Variants in TRIM33 observed in about 807,000 individuals in gnomAD.
The protein encoded by TRIM33 is tripartite motif containing 33, also known as E3 ubiquitin-protein ligase TRIM33.
TRIM33 carries 20 observed loss-of-function variants against 125.4 expected under a neutral mutation model. The ratio of observed to expected loss-of-function variants is 0.16; its 90% CI spans 0.11 to 0.23. The LOEUF (loss-of-function observed/expected upper bound fraction) is 0.23. TRIM33 is among the 10% of genes least tolerant of loss of function. The pLI is 1.00. For synonymous variants in TRIM33, 564 were observed against 513.9 expected (o/e 1.10, Z -1.32); for missense variants, 920 against 1,411.4 (o/e 0.65, Z 5.58).
At position 114,421,840 on chromosome 1, in the gene TRIM33, T is replaced by C. The variant is rs181531368; in HGVS notation, c.1861-204A>G. Among the ~76,000 whole-genome samples, 13 of 152,268 alleles carry C rather than the reference T, an allele frequency of 8.5e-5. No homozygotes were observed. In the East Asian group the frequency reaches 2.1e-3, roughly 25 times the overall value. On this transcript the variant is annotated intron_variant, in intron 10 of 19. Transcript: ENST00000358465. ...TATAGTATCTAGGGAAAGGCAGACT[T>C]GCCAATAATTTCCCAACACATCAGC...
At chr1:114,509,171 TG>T (rs1223476033) in intron 1 of TRIM33, among the ~76,000 whole-genome samples, 1 of 152,204 alleles carries the variant, frequency 6.6e-6, no homozygotes, top group Non-Finnish European at 1.5e-5. Flanking sequence ...TTTATCCTCT[TG>T]ATATGAAAGC....
chr1:114,462,500 G>T (rs545457122), intron 4 of TRIM33, among the ~76,000 whole-genome samples: 3 of 152,176 alleles, frequency 2.0e-5, no homozygotes, highest in Non-Finnish European at 2.9e-5. Flanking sequence ...GTAATAAACA[G>T]ATGCCATGGA....
chr1:114,469,079 A>AC (rs1182385569), intron 1 of TRIM33: 4 of 234,354 alleles, frequency 1.7e-5, no homozygotes, highest in Non-Finnish European at 3.3e-5. Context: ...ATCAAAGAAG[A>AC]TTCCAACAGA....
intron 2 of TRIM33, among the ~76,000 whole-genome samples, chr1:114,463,767 CTT>C (rs397977770): frequency 5.6e-5 from 7 of 126,012 alleles, no homozygotes; most frequent in African/African-American, 6.0e-5. Flanking sequence ...GCAGATTTGA[CTT>C]TTTTTTTTTT....
Position 114,510,611 on chromosome 1 carries a change from C to A in TRIM33, c.466G>T (p.Glu156Ter). 1 of 1,558,386 alleles carries A rather than the reference C, an allele frequency of 6.4e-7. No individual in the cohort carries two copies. Among genetic ancestry groups the A allele is most frequent in the Non-Finnish European group, 8.6e-7 (1 of 1,158,106 alleles). The stretch of plus-strand genomic sequence containing the variant: ...GGCACGCTGAGCTGGCGCTCCGGCT[C>A]GGGCAGGCAGCGCAGGCAGAAGGAG... ...LHSFCLRCLP[E>*]PERQLSVPIP... The change falls in exon 1 of 20, where the codon GAG (glutamate) becomes TAG (stop). Residue 156 changes from glutamate (E) to a stop codon, truncating the protein, a stop_gained. Transcript: ENST00000358465. LOFTEE classifies it high-confidence loss of function.
At position 114,511,059 on chromosome 1, in the gene TRIM33, G is replaced by A; in HGVS notation, c.18C>T (p.Gly6=). 3 of 1,297,744 alleles carry A rather than the reference G, an allele frequency of 2.3e-6. No individual in the cohort carries two copies. Among genetic ancestry groups the A allele is most frequent in the South Asian group, 3.8e-5 (2 of 52,184 alleles). 80.4% of individuals were successfully genotyped at this position (1,297,744 alleles called of 1,614,324 possible). MAENK[G]GGEAESGGGG... ...CGCCGCCGCTCTCAGCCTCGCCGCC[G>A]CCTTTGTTTTCCGCCATGTTTTCCT... The change falls in exon 1 of 20, where the codon GGC becomes GGT. Residue 6 remains glycine (G), a synonymous_variant. Coordinates refer to ENST00000358465, the MANE Select transcript of TRIM33 (RefSeq NM_015906.4).
At chr1:114,488,231 A>C (rs1432431876) in intron 1 of TRIM33, among the ~76,000 whole-genome samples, 2 of 152,210 alleles carry the variant, frequency 1.3e-5, no homozygotes, top group African/African-American at 2.4e-5. Context: ...CGGAATCTTA[A>C]AAAGAACTTT....
intron 10 of TRIM33, among the ~76,000 whole-genome samples, 196 bp from the exon 11 acceptor site, chr1:114,421,832 G>A (rs1647224873): frequency 6.6e-6 from 1 of 152,140 alleles, no homozygotes; most frequent in South Asian, 2.1e-4. Context: ...TCTAGGGAAA[G>A]GCAGACTTGC....
chr1:114,448,186 G>A (rs1187569378), intron 4 of TRIM33, among the ~76,000 whole-genome samples: 1 of 152,208 alleles, frequency 6.6e-6, no homozygotes, highest in Non-Finnish European at 1.5e-5. Flanking sequence ...AGAGGGGATG[G>A]AACTCAGTGT....
chr1:114,408,479 G>C (rs1652386039), intron 13 of TRIM33, among the ~76,000 whole-genome samples, 198 bp downstream of exon 13: 2 of 152,246 alleles, frequency 1.3e-5, no homozygotes, highest in South Asian at 2.1e-4. Flanking sequence ...CGAGTGAAAT[G>C]ACTGAGATTT....
chr1:114,438,139 T>C (rs1648420682), intron 4 of TRIM33, among the ~76,000 whole-genome samples: 2 of 152,180 alleles, frequency 1.3e-5, no homozygotes, highest in South Asian at 4.1e-4. Flanking sequence ...ATGTACATTA[T>C]GGTCTTACTA....
intron 1 of TRIM33, among the ~76,000 whole-genome samples, chr1:114,479,835 G>A (rs989642289): frequency 3.9e-5 from 6 of 151,998 alleles, no homozygotes; most frequent in Non-Finnish European, 8.8e-5. Flanking sequence ...GCCCCCGCCC[G>A]GCCAGCTGCC....
chr1:114,425,771 C>T (rs1647528302), intron 8 of TRIM33, 48 bp from the exon 9 acceptor site: 1 of 1,380,064 alleles, frequency 7.2e-7, no homozygotes, highest in Non-Finnish European at 1.0e-6. Context: ...ACTAAATCAT[C>T]TACTTTGTTG....
chr1:114,500,806 A>G (rs1037441365), intron 1 of TRIM33, among the ~76,000 whole-genome samples: 2 of 152,194 alleles, frequency 1.3e-5, no homozygotes. Flanking sequence ...GCTCTCTAAA[A>G]AGTGTATCAG....
At position 114,510,931 on chromosome 1, in the gene TRIM33, T is replaced by C; in HGVS notation, c.146A>G (p.Glu49Gly). ...GCCCTCAGCGCCGGCCCTGCCGCCT[T>C]CCTCCTCCTCCTCCTCCACCAGCAC... ...TAVLVEEEEE[E>G]GGRAGAEGGA... Residue 49 changes from glutamate (E) to glycine (G), a missense_variant, in exon 1 of 20, where the codon GAA (glutamate) becomes GGA (glycine). By Grantham distance (98) the Glu-to-Gly change is moderately conservative. Transcript: ENST00000358465. The C allele has an allele frequency of 7.3e-7, 1 of 1,376,056 alleles. No individual in the cohort carries two copies. Among genetic ancestry groups the C allele is most frequent in the Non-Finnish European group, 9.4e-7 (1 of 1,064,880 alleles). The allele number at this position is 1,376,056 out of a possible 1,614,324, so 85.2% of individuals were successfully genotyped here. A position where few individuals can be genotyped will look rare whatever the true frequency, so the allele number is the denominator to read the frequency against.
intron 13 of TRIM33, among the ~76,000 whole-genome samples, chr1:114,407,400 A>C (rs1479264654): frequency 6.6e-6 from 1 of 152,132 alleles, no homozygotes; most frequent in Non-Finnish European, 1.5e-5. Context: ...TCCACTGAAA[A>C]GGCCTAAGAA....
intron 1 of TRIM33, among the ~76,000 whole-genome samples, chr1:114,474,300 G>C (rs1354391570): frequency 6.6e-6 from 1 of 151,934 alleles, no homozygotes; most frequent in Non-Finnish European, 1.5e-5. Context: ...TCTTGGTGCG[G>C]TGGCTCACAC....
chr1:114,504,525 AAGG>A (rs1277278745), intron 1 of TRIM33, among the ~76,000 whole-genome samples: 1 of 152,196 alleles, frequency 6.6e-6, no homozygotes, highest in Admixed American at 6.5e-5. Flanking sequence ...CGCAGTGAAT[AAGG>A]AGAATATCAA....
At chr1:114,507,578 G>C (rs1027372402) in intron 1 of TRIM33, among the ~76,000 whole-genome samples, 4 of 152,108 alleles carry the variant, frequency 2.6e-5, no homozygotes, top group Non-Finnish European at 5.9e-5. Context: ...CAGTTACAAA[G>C]CATTTTCACA....
Sources: allele counts gnomAD v4.1 joint callset (sites outside exome capture counted in the v4.1 genomes callset), GRCh38; gene constraint gnomAD v4.1.1; transcripts MANE v1.5; gene names NCBI Gene and HGNC (gene_info 2026-07-23, HGNC 2026-07-21).